Variants in ACAD9 observed in about 807,000 individuals in gnomAD.
ACAD9 encodes acyl-CoA dehydrogenase family member 9.
In ACAD9, 53 loss-of-function variants were observed where a neutral mutation model predicts 70.2. The observed-to-expected ratio is 0.75, with a 90% CI of 0.61 to 0.95. The LOEUF (loss-of-function observed/expected upper bound fraction) is 0.95, where lower values mean the gene tolerates loss of function less well. Among genes scored for constraint, ACAD9 ranks in the 40% least tolerant of loss-of-function variants. The pLI is 0.00. For missense variants in ACAD9, 777 were observed against 802.8 expected (o/e 0.97, Z 0.39); for synonymous variants, 313 against 312.1 (o/e 1.00, Z -0.03).
intron 12 of ACAD9, among the ~76,000 whole-genome samples, chr3:128,906,557 G>T (rs1449241238): frequency 6.6e-6 from 1 of 152,208 alleles, no homozygotes; most frequent in Non-Finnish European, 1.5e-5. Context: ...GTGTAAAGAG[G>T]CAGGGAGCGG....
rs1186351117 is a variant in ACAD9, at chr3:128,908,283, G to A, written c.1358+19G>A. 7.4e-6 allele frequency: 12 copies of A among 1,613,688 alleles called. No individual in the cohort carries two copies. The highest frequency in any genetic ancestry group is 2.7e-5 in the African/African-American group (2 of 74,918). On this transcript the variant is annotated intron_variant, in intron 13 of 17. Transcript: ENST00000308982. ...GGATCCAGTAGGTGCCATTGTCACC[G>A]TGTGCTTCTCAGGTCCCATACCTGC...
chr3:128,899,755 C>T (rs1313795764), intron 7 of ACAD9, among the ~76,000 whole-genome samples: 2 of 152,208 alleles, frequency 1.3e-5, no homozygotes, highest in East Asian at 3.8e-4. Flanking sequence ...CCCTAGCAGA[C>T]ACACCACCTT....
intron 1 of ACAD9, among the ~76,000 whole-genome samples, chr3:128,881,088 A>C (rs765459595): frequency 3.3e-5 from 5 of 152,168 alleles, no homozygotes; most frequent in African/African-American, 7.2e-5. Context: ...TCAGGCTGAT[A>C]CCTTTATAGC....
intron 9 of ACAD9, among the ~76,000 whole-genome samples, chr3:128,903,351 T>C (rs1935797102): frequency 6.6e-6 from 1 of 152,182 alleles, no homozygotes; most frequent in Non-Finnish European, 1.5e-5. Context: ...CAGACTGTGC[T>C]CCTGGACCCA....
chr3:128,886,392 C>T lies in ACAD9; in HGVS notation c.244+1646C>T, dbSNP rs548544732. On this transcript the variant is annotated intron_variant, in intron 2 of 17. Transcript: ENST00000308982. ...CTGGGATTACAGGCGTGAGCCACCG[C>T]GCCAGCTAATGAAAAATATTTTGAA... Among the ~76,000 whole-genome samples, 14 of 151,900 alleles carry T rather than the reference C, an allele frequency of 9.2e-5. No homozygotes were observed. In the East Asian group the frequency reaches 1.4e-3, roughly 15 times the overall value.
In ACAD9 at chr3:128,881,399, A is replaced by G. The variant is rs1166960329; in HGVS notation, c.150+1558A>G. ...ATCCATGCAGTCGGATGAGAAGTTC[A>G]CAGGCACAGTTACCCCCTCCCGCTG... On this transcript the variant is annotated intron_variant, in intron 1 of 17. Coordinates refer to ENST00000308982, the MANE Select transcript of ACAD9 (RefSeq NM_014049.5). 1.2e-4 allele frequency among the ~76,000 whole-genome samples: 18 copies of G among 152,172 alleles called. 1 individual carries two copies. Among genetic ancestry groups the G allele is most frequent in the Admixed American group, 1.0e-3 (16 of 15,282 alleles).
intron 12 of ACAD9, 70 bp downstream of exon 12, chr3:128,906,319 G>A (rs1935890538): frequency 6.9e-6 from 11 of 1,598,878 alleles, no homozygotes; most frequent in Non-Finnish European, 9.4e-6. Context: ...ATGCTGCTCA[G>A]GGCCTCGCAG....
intron 13 of ACAD9, chr3:128,908,576 C>T (rs937924128): frequency 5.4e-6 from 3 of 558,016 alleles, no homozygotes; most frequent in Non-Finnish European, 9.7e-6. Context: ...TTAAAGGTGC[C>T]AGGCCTCACA....
chr3:128,901,308 C>A lies in ACAD9; in HGVS notation c.841C>A (p.Pro281Thr). 6.2e-7 allele frequency: 1 copy of A among 1,614,038 alleles called. No homozygotes were observed. ...AGTCCATTTTGAAAACACCAAGATA[C>A]CTGTGGAAAACATCCTTGGAGAGGT... The part of the protein sequence containing the change: ...CEVHFENTKI[P>T]VENILGEVGD... The change falls in exon 8 of 18, where the codon CCT (proline) becomes ACT (threonine). Residue 281 changes from proline (P) to threonine (T), a missense_variant. Coordinates refer to ENST00000308982, the MANE Select transcript of ACAD9 (RefSeq NM_014049.5).
At chr3:128,881,430 G>A (rs1935090588) in intron 1 of ACAD9, among the ~76,000 whole-genome samples, 2 of 152,324 alleles carry the variant, frequency 1.3e-5, no homozygotes, top group South Asian at 2.1e-4. Context: ...CGCTGCATAT[G>A]TGCCGGTATT....
intron 17 of ACAD9, among the ~76,000 whole-genome samples, chr3:128,911,724 G>A (rs1936346874): frequency 6.6e-6 from 1 of 152,260 alleles, no homozygotes; most frequent in African/African-American, 2.4e-5. Context: ...TTACAGGCAT[G>A]AGCCACTGTG....
At position 128,879,816 on chromosome 3, in the gene ACAD9, A is replaced by T; in HGVS notation, c.125A>T (p.Glu42Val). ...CCGCCTGTACGAGCTTTCGCCAAAGAGCTTTTCCTAGGCAAAATCAAGAAG... is the reference window on the plus strand; with the variant it reads ...CCGCCTGTACGAGCTTTCGCCAAAGTGCTTTTCCTAGGCAAAATCAAGAAG... The part of the protein sequence containing the change: ...TSPPVRAFAK[E>V]LFLGKIKKKE... Residue 42 changes from glutamate (E) to valine (V), a missense_variant, in exon 1 of 18, where the codon GAG (glutamate) becomes GTG (valine). By Grantham distance (121) the Glu-to-Val change is moderately radical (BLOSUM62 -2). Coordinates refer to ENST00000308982, the MANE Select transcript of ACAD9 (RefSeq NM_014049.5). 3.1e-6 allele frequency: 5 copies of T among 1,614,032 alleles called. No homozygotes were observed. The highest frequency in any genetic ancestry group is 4.2e-6 in the Non-Finnish European group (5 of 1,180,020).
intron 1 of ACAD9, chr3:128,880,207 TCA>T: frequency 2.4e-6 from 1 of 408,814 alleles, no homozygotes; most frequent in South Asian, 2.1e-5. Context: ...ATGTCCCTCC[TCA>T]GTCACCTTCC....
chr3:128,896,270 T>G (rs1045907213), intron 4 of ACAD9, among the ~76,000 whole-genome samples, 166 bp from the exon 5 acceptor site: 1 of 152,270 alleles, frequency 6.6e-6, no homozygotes, highest in African/African-American at 2.4e-5. Flanking sequence ...GACCGTCTCC[T>G]CAGCAGCTTG....
intron 16 of ACAD9, chr3:128,910,406 G>A: frequency 7.2e-7 from 1 of 1,389,834 alleles, no homozygotes; most frequent in Non-Finnish European, 9.5e-7. Context: ...GACAGACCCT[G>A]CACATTGCCC....
chr3:128,899,152 G>A, intron 6 of ACAD9, 135 bp from the exon 7 acceptor site: 1 of 846,704 alleles, frequency 1.2e-6, no homozygotes, highest in Non-Finnish European at 1.9e-6. Context: ...TGCTTGGTTG[G>A]CTTCTGCAGA....
At position 128,910,135 on chromosome 3, in the gene ACAD9, AACCACG is replaced by A. The variant is rs1448236232; in HGVS notation, c.1686_1691del (p.Asp562_His563del). The A allele has an allele frequency of 1.9e-6, 3 of 1,613,930 alleles. No individual in the cohort carries two copies. Among genetic ancestry groups the A allele is most frequent in the Non-Finnish European group, 2.5e-6 (3 of 1,180,040 alleles). On this transcript the variant is annotated inframe_deletion, in exon 16 of 18. Transcript: ENST00000308982. Reference sequence around the variant, plus strand: ...CCGCTCCATCCGCATTGGGCTCCGCAACCACGACCACGAGGTGAGCCCAGCCCAGCC... The same window carrying A: ...CCGCTCCATCCGCATTGGGCTCCGCAACCACGAGGTGAGCCCAGCCCAGCC...
intron 11 of ACAD9, among the ~76,000 whole-genome samples, chr3:128,904,830 G>A (rs1935841729): frequency 6.6e-6 from 1 of 152,106 alleles, no homozygotes; most frequent in Non-Finnish European, 1.5e-5. Flanking sequence ...CTACTTTCTG[G>A]TATCAAAACT....
In ACAD9 at chr3:128,899,406, T is replaced by C; in HGVS notation, c.753T>C (p.Phe251=). Residue 251 remains phenylalanine, a synonymous_variant, in exon 7 of 18, where the codon TTT becomes TTC. Coordinates refer to ENST00000308982, the MANE Select transcript of ACAD9 (RefSeq NM_014049.5). ...CAGCATTCATAGTAGAAAGAGACTT[T>C]GGTGGAGTCACTAATGGGAAACCCG... is the stretch of plus-strand genomic sequence containing the variant. ...KITAFIVERD[F]GGVTNGKPED... The C allele has an allele frequency of 6.2e-7, 1 of 1,614,250 alleles. No homozygotes were observed. Among genetic ancestry groups the C allele is most frequent in the Non-Finnish European group, 8.5e-7 (1 of 1,180,054 alleles).
Sources: allele counts gnomAD v4.1 joint callset (sites outside exome capture counted in the v4.1 genomes callset), GRCh38; gene constraint gnomAD v4.1.1; transcripts MANE v1.5; gene names NCBI Gene and HGNC (gene_info 2026-07-23, HGNC 2026-07-21).